Variants in PCDHA8 observed in about 807,000 individuals in gnomAD.
PCDHA8 encodes protocadherin alpha 8.
In PCDHA8, 53 loss-of-function variants were observed where a neutral mutation model predicts 61.8. The ratio of observed to expected loss-of-function variants is 0.86; its 90% CI spans 0.69 to 1.08. The LOEUF is 1.08. Ranked by LOEUF, PCDHA8 falls within the 50% of genes least tolerant of loss-of-function variation. The pLI, the probability that PCDHA8 is intolerant of heterozygous loss-of-function variation, is 0.00. For synonymous variants in PCDHA8, 618 were observed against 556.6 expected (o/e 1.11, Z -1.55); for missense variants, 1,293 against 1,245.0 (o/e 1.04, Z -0.58).
chr5:141,006,525 T>G (rs1366958955), intron 3 of PCDHA8, among the ~76,000 whole-genome samples: 1 of 152,108 alleles, frequency 6.6e-6, no homozygotes, highest in African/African-American at 2.4e-5. Context: ...TATACATCAG[T>G]TTTTAAAGAG....
chr5:140,841,684 G>C lies in PCDHA8; in HGVS notation c.363G>C (p.Val121=). 1 of 1,613,954 alleles carries C rather than the reference G, an allele frequency of 6.2e-7. No individual in the cohort carries two copies. Among genetic ancestry groups the C allele is most frequent in the South Asian group, 1.1e-5 (1 of 91,074 alleles). ...CGCTGCAGGTTTTCCATGTGGACGTGGAGGTGAAGGATGTTAATGACAACC... is the reference window on the plus strand; with the variant it reads ...CGCTGCAGGTTTTCCATGTGGACGTCGAGGTGAAGGATGTTAATGACAACC... ...DRPLQVFHVD[V]EVKDVNDNPP... The change falls in exon 1 of 4, where the codon GTG becomes GTC. Residue 121 remains valine (V), a synonymous_variant. Coordinates refer to ENST00000531613, the MANE Select transcript of PCDHA8 (RefSeq NM_018911.3).
Position 140,967,085 on chromosome 5 carries a change from C to A in PCDHA8, c.2395-11864C>A, listed in dbSNP as rs155809. On this transcript the variant is annotated intron_variant, in intron 1 of 3. Coordinates refer to ENST00000531613, the MANE Select transcript of PCDHA8 (RefSeq NM_018911.3). ...GCTCTTCGTCAACGAGCGCATTGAT[C>A]GGGAGGCGCTGTGTGAGCAGCGGCC... The A allele has an allele frequency of 3.0e-3, 4,870 of 1,613,198 alleles. 112 individuals are homozygous for A. The African/African-American group carries it at 0.056, about 18-fold the overall frequency.
chr5:140,916,143 T>C (rs1237563249), intron 1 of PCDHA8, among the ~76,000 whole-genome samples: 3 of 152,012 alleles, frequency 2.0e-5, no homozygotes, highest in African/African-American at 7.2e-5. Flanking sequence ...GCTGTTCAGT[T>C]GTGTTGTGGT....
chr5:140,983,504 G>A (rs2097054493), intron 3 of PCDHA8, among the ~76,000 whole-genome samples: 1 of 152,160 alleles, frequency 6.6e-6, no homozygotes, highest in Non-Finnish European at 1.5e-5. Flanking sequence ...GCCATAATAT[G>A]CCTAGACACT....
chr5:140,927,839 G>T (rs782594719), intron 1 of PCDHA8: 1 of 1,614,208 alleles, frequency 6.2e-7, no homozygotes, highest in South Asian at 1.1e-5. Context: ...AGGGACGAAG[G>T]TGTCTTTGGT....
chr5:140,975,127 T>C (rs1331047394), intron 1 of PCDHA8, among the ~76,000 whole-genome samples: 2 of 152,288 alleles, frequency 1.3e-5, no homozygotes, highest in East Asian at 1.9e-4. Flanking sequence ...CTACTTACTA[T>C]TGGCCTGGGG....
intron 1 of PCDHA8, among the ~76,000 whole-genome samples, chr5:140,913,928 G>A (rs2076511708): frequency 1.3e-5 from 2 of 151,918 alleles, no homozygotes; most frequent in Non-Finnish European, 2.9e-5. Flanking sequence ...CTTCATTGTG[G>A]TCAGAGAAGA....
chr5:140,855,039 T>C lies in PCDHA8; in HGVS notation c.2394+11324T>C, dbSNP rs1287918149. ...AAACTTCTTGTATAAAGGATTTTTC[T>C]GTAATAGTACTTTTCTGTTTTCTTA... is the stretch of plus-strand genomic sequence containing the variant. On this transcript the variant is annotated intron_variant, in intron 1 of 3. Transcript: ENST00000531613. Among the ~76,000 whole-genome samples the C allele has an allele frequency of 2.0e-5, 3 of 150,016 alleles. 1 individual carries two copies. The highest frequency in any genetic ancestry group is 7.3e-5 in the African/African-American group (3 of 40,938).
intron 1 of PCDHA8, among the ~76,000 whole-genome samples, chr5:140,922,947 C>A (rs533564361): frequency 6.6e-6 from 1 of 152,178 alleles, no homozygotes; most frequent in South Asian, 2.1e-4. Context: ...AATGGAAATC[C>A]AGTTTGTCTT....
intron 1 of PCDHA8, chr5:140,850,387 T>G: frequency 6.3e-7 from 1 of 1,597,588 alleles, no homozygotes. Flanking sequence ...ACGGGCGAGA[T>G]CAGCACAACG....
rs2150472537 is a variant in PCDHA8, at chr5:140,850,195, C to T, written c.2394+6480C>T. 8.8e-6 allele frequency: 14 copies of T among 1,593,610 alleles called. 2 individuals are homozygous for T. In the South Asian group the frequency reaches 1.5e-4, roughly 18 times the overall value. The stretch of plus-strand genomic sequence containing the variant: ...AACGACAATGCGCCGGCGCTGCTGA[C>T]ACCTCGGATGAGGGGCACTGACGGC... On this transcript the variant is annotated intron_variant, in intron 1 of 3. Transcript: ENST00000531613.
At chr5:140,920,269 A>G (rs1342153832) in intron 1 of PCDHA8, among the ~76,000 whole-genome samples, 1 of 152,224 alleles carries the variant, frequency 6.6e-6, no homozygotes, top group Non-Finnish European at 1.5e-5. Flanking sequence ...TTATTACTTT[A>G]TGTAATCTTA....
intron 1 of PCDHA8, chr5:140,875,846 A>T: frequency 6.2e-7 from 1 of 1,614,176 alleles, no homozygotes. Context: ...GAGGTGAAGG[A>T]CATTAACGAC....
At chr5:140,911,814 C>T (rs1165066555) in intron 1 of PCDHA8, among the ~76,000 whole-genome samples, 2 of 152,136 alleles carry the variant, frequency 1.3e-5, no homozygotes, top group African/African-American at 4.8e-5. Context: ...GCAGCCTTCT[C>T]CAGAAACCCC....
intron 1 of PCDHA8, chr5:140,929,115 C>T: frequency 6.2e-7 from 1 of 1,614,136 alleles, no homozygotes. Context: ...CATCAGCCAC[C>T]ATAGATGTCA....
At chr5:140,998,380 A>G (rs921989792) in intron 3 of PCDHA8, among the ~76,000 whole-genome samples, 2 of 152,188 alleles carry the variant, frequency 1.3e-5, no homozygotes, top group African/African-American at 4.8e-5. Context: ...GTCTCTAGAA[A>G]GTTTAATGCC....
At chr5:140,983,617 G>C (rs868994554) in intron 3 of PCDHA8, among the ~76,000 whole-genome samples, 1 of 152,228 alleles carries the variant, frequency 6.6e-6, no homozygotes, top group Admixed American at 6.5e-5. Context: ...GAGGCAGAGA[G>C]ATTAAGAAAT....
At chr5:140,947,780 A>G (rs2094176112) in intron 1 of PCDHA8, among the ~76,000 whole-genome samples, 1 of 151,588 alleles carries the variant, frequency 6.6e-6, no homozygotes, top group Non-Finnish European at 1.5e-5. Flanking sequence ...TTGTAAATGG[A>G]TTTTAAACAG....
At chr5:140,997,816 T>C (rs1363819907) in intron 3 of PCDHA8, among the ~76,000 whole-genome samples, 1 of 152,232 alleles carries the variant, frequency 6.6e-6, no homozygotes, top group African/African-American at 2.4e-5. Flanking sequence ...TGTTGGTATC[T>C]ATGTTTTCTA....
Sources: allele counts gnomAD v4.1 joint callset (sites outside exome capture counted in the v4.1 genomes callset), GRCh38; gene constraint gnomAD v4.1.1; transcripts MANE v1.5; gene names NCBI Gene and HGNC (gene_info 2026-07-23, HGNC 2026-07-21).